EPHA6: variants seen among roughly 807,000 people sequenced by gnomAD.
The protein encoded by EPHA6 is ephrin type-A receptor 6.
In EPHA6, 50 loss-of-function variants were observed where a neutral mutation model predicts 112.0. The ratio of observed to expected loss-of-function variants is 0.45; its 90% CI spans 0.36 to 0.56. The LOEUF is 0.56. EPHA6 is among the 20% of genes least tolerant of loss of function. The probability of loss-of-function intolerance (pLI) is 0.00; values close to 1 mark genes in which losing one functional copy is unlikely to be tolerated. For synonymous variants in EPHA6, 529 were observed against 490.7 expected (o/e 1.08, Z -1.03); for missense variants, 1,280 against 1,417.4 (o/e 0.90, Z 1.56).
At chr3:96,972,461 ACG>A (rs1362406190) in intron 2 of EPHA6, among the ~76,000 whole-genome samples, 106 of 143,754 alleles carry the variant, frequency 7.4e-4, no homozygotes, top group East Asian at 1.4e-3. Flanking sequence ...ACACACACAC[ACG>A]TATTTAGGAA....
chr3:97,348,746 G>A (rs1019707372), intron 5 of EPHA6, among the ~76,000 whole-genome samples: 25 of 152,096 alleles, frequency 1.6e-4, no homozygotes, highest in African/African-American at 6.0e-4. Context: ...TGTCTACTAA[G>A]TGTATCACAA....
At chr3:97,233,309 CAAA>C (rs55764447) in intron 4 of EPHA6, among the ~76,000 whole-genome samples, 5 of 86,494 alleles carry the variant, frequency 5.8e-5, no homozygotes, top group Admixed American at 1.1e-4. Flanking sequence ...ACAATGTATG[CAAA>C]AAAAAAAAAA....
At chr3:97,734,108 GC>G in intron 15 of EPHA6, among the ~76,000 whole-genome samples, 1 of 151,958 alleles carries the variant, frequency 6.6e-6, no homozygotes, top group Non-Finnish European at 1.5e-5. Context: ...GCTATTTTAA[GC>G]AGTAAATGAA....
rs78006053 is a variant in EPHA6, at chr3:97,017,291, G to A, written c.1114+29298G>A. On this transcript the variant is annotated intron_variant, in intron 3 of 17. Transcript: ENST00000389672. Reference sequence around the variant, plus strand: ...TGTGGCTCAGAGTGAGAATCTGTGTGTCTGGGAGAGGGGCAGTGCAGCAAC... The same window carrying A: ...TGTGGCTCAGAGTGAGAATCTGTGTATCTGGGAGAGGGGCAGTGCAGCAAC... Among the ~76,000 whole-genome samples the A allele has an allele frequency of 3.8e-3, 572 of 152,300 alleles. 3 individuals carry two copies. The highest frequency in any genetic ancestry group is 7.5e-3 in the Admixed American group (114 of 15,296).
intron 4 of EPHA6, among the ~76,000 whole-genome samples, chr3:97,235,799 G>C (rs1055016321): frequency 2.6e-5 from 4 of 151,960 alleles, no homozygotes. Flanking sequence ...ACTTTACCAG[G>C]ATTTCTCAAA....
At chr3:96,982,498 G>C (rs2042836356) in intron 2 of EPHA6, among the ~76,000 whole-genome samples, 1 of 152,192 alleles carries the variant, frequency 6.6e-6, no homozygotes, top group Non-Finnish European at 1.5e-5. Context: ...TTTGGAATAA[G>C]TGTGATGTGG....
intron 3 of EPHA6, among the ~76,000 whole-genome samples, chr3:97,082,495 T>C (rs76475374): frequency 0.086 from 13,067 of 151,912 alleles, 896 homozygotes; most frequent in Admixed American, 0.21. Context: ...GTGTCAGCTA[T>C]GCTCAATTTT....
At chr3:97,351,340 T>C (rs1034340097) in intron 5 of EPHA6, among the ~76,000 whole-genome samples, 12 of 152,200 alleles carry the variant, frequency 7.9e-5, no homozygotes, top group African/African-American at 2.9e-4. Flanking sequence ...TGACTAAACA[T>C]GTCATCAGAT....
chr3:97,236,775 G>C (rs2078691711), intron 4 of EPHA6, among the ~76,000 whole-genome samples: 1 of 152,046 alleles, frequency 6.6e-6, no homozygotes, highest in African/African-American at 2.4e-5. Context: ...TTTCTTTAGT[G>C]CTGGAATAAT....
At chr3:97,558,801 G>C (rs1429805333) in intron 11 of EPHA6, among the ~76,000 whole-genome samples, 1 of 151,756 alleles carries the variant, frequency 6.6e-6, no homozygotes, top group East Asian at 1.9e-4. Context: ...TGTATCCCTG[G>C]ACTTACAAAG....
At chr3:97,026,909 A>G (rs2044659010) in intron 3 of EPHA6, among the ~76,000 whole-genome samples, 1 of 152,274 alleles carries the variant, frequency 6.6e-6, no homozygotes, top group Non-Finnish European at 1.5e-5. Flanking sequence ...AGACAAAAAT[A>G]CCATTCAACC....
chr3:97,227,276 A>G (rs957767707), intron 4 of EPHA6, among the ~76,000 whole-genome samples: 1 of 150,744 alleles, frequency 6.6e-6, no homozygotes, highest in Non-Finnish European at 1.5e-5. Flanking sequence ...GCTGGAGTGC[A>G]GTGGCATGAT....
intron 14 of EPHA6, among the ~76,000 whole-genome samples, chr3:97,674,278 A>G (rs757564596): frequency 2.0e-5 from 3 of 152,170 alleles, no homozygotes; most frequent in Admixed American, 6.6e-5. Context: ...ATAAGGCTAC[A>G]TTGGTTACAC....
intron 11 of EPHA6, among the ~76,000 whole-genome samples, chr3:97,554,898 A>G (rs1356047621): frequency 6.6e-6 from 1 of 151,920 alleles, no homozygotes; most frequent in African/African-American, 2.4e-5. Context: ...TTCCAGAGAT[A>G]ACAAAGGGCT....
intron 3 of EPHA6, among the ~76,000 whole-genome samples, chr3:97,035,153 T>A (rs2045038868): frequency 6.6e-6 from 1 of 151,982 alleles, no homozygotes; most frequent in Non-Finnish European, 1.5e-5. Flanking sequence ...AATATTTATA[T>A]GGGGTCATTA....
chr3:97,170,113 C>T (rs891828389), intron 3 of EPHA6, among the ~76,000 whole-genome samples: 2 of 134,314 alleles, frequency 1.5e-5, no homozygotes, highest in African/African-American at 6.6e-5. Context: ...ACATGTATCC[C>T]AGAACTTAAA....
intron 3 of EPHA6, among the ~76,000 whole-genome samples, chr3:97,156,556 T>A (rs2076294283): frequency 6.6e-6 from 1 of 152,118 alleles, no homozygotes; most frequent in African/African-American, 2.4e-5. Context: ...TTAATAAAAT[T>A]TATTCATTAG....
At chr3:97,520,488 A>G (rs1347980963) in intron 10 of EPHA6, among the ~76,000 whole-genome samples, 1 of 152,206 alleles carries the variant, frequency 6.6e-6, no homozygotes, top group Non-Finnish European at 1.5e-5. Flanking sequence ...TAGGTGTGGC[A>G]TCTTTGGCTG....
chr3:97,201,848 T>A (rs1244385062), intron 3 of EPHA6, among the ~76,000 whole-genome samples: 2 of 152,106 alleles, frequency 1.3e-5, no homozygotes, highest in Non-Finnish European at 2.9e-5. Flanking sequence ...CAATGCCCAG[T>A]GAAGACGTAA....
Sources: gnomAD v4.1 joint callset for allele counts (sites outside exome capture counted in the v4.1 genomes callset) on GRCh38, gnomAD v4.1.1 for gene constraint, MANE v1.5 for transcripts, NCBI Gene and HGNC (gene_info 2026-07-23, HGNC 2026-07-21) for gene names.